The following BRSK2 variants were observed in gnomAD, a reference collection of about 807,000 sequenced individuals.
The protein encoded by BRSK2 is serine/threonine-protein kinase BRSK2.
In BRSK2, 19 loss-of-function variants were observed where a neutral mutation model predicts 83.3. The observed-to-expected ratio is 0.23, with a 90% confidence interval of 0.16 to 0.33. The LOEUF (loss-of-function observed/expected upper bound fraction) is 0.33. BRSK2 is among the 10% of genes least tolerant of loss of function. BRSK2 has a pLI of 1.00. For synonymous variants in BRSK2, 519 were observed against 435.4 expected, an observed-to-expected ratio of 1.19 and a Z score of -2.39; for missense variants, 798 against 1,042.3, an observed-to-expected ratio of 0.77 and a Z score of 3.23.
rs113757841 is a variant in BRSK2 at position 1,423,190 on chromosome 11, T to C, written c.92-12850T>C. On this transcript the variant is annotated intron_variant, in intron 1 of 19. Transcript: ENST00000528841. This position sits in a 1 kb window ranked among gnomAD's most constrained non-coding sequence, Gnocchi z 6.5. Reference sequence around the variant, plus strand: ...GCCTCGTGGGGGATGCGGTGCCTCGTGGGGGACATGGTGCCTTGTGGGGTA... The same window carrying C: ...GCCTCGTGGGGGATGCGGTGCCTCGCGGGGGACATGGTGCCTTGTGGGGTA... Among the ~76,000 whole-genome samples the C allele has an allele frequency of 5.1e-3, 772 of 152,010 alleles. 9 individuals carry two copies. Among genetic ancestry groups the C allele is most frequent in the African/African-American group, 0.018 (751 of 41,464 alleles).
At chr11:1,456,776 G>A in intron 18 of BRSK2, 89 bp downstream of exon 18, 1 of 1,408,514 alleles carries the variant, frequency 7.1e-7, no homozygotes, top group Non-Finnish European at 9.6e-7. Context: ...TGAGGACCCG[G>A]GCGCAGCCTC....
At position 1,454,753 on chromosome 11, in the gene BRSK2, C is replaced by T. The variant is rs1846266742; in HGVS notation, c.1668+145C>T. 1.8e-5 allele frequency: 19 copies of T among 1,080,208 alleles called. No individual in the cohort carries two copies. The highest frequency in any genetic ancestry group is 2.4e-5 in the Non-Finnish European group (18 of 763,888). 66.9% of individuals were successfully genotyped at this position (1,080,208 alleles called of 1,614,324 possible). On this transcript the variant is annotated intron_variant, in intron 16 of 19. Coordinates refer to ENST00000528841, the MANE Select transcript of BRSK2 (RefSeq NM_001256627.2). This position sits in a 1 kb window ranked among gnomAD's most constrained non-coding sequence, Gnocchi z 5.2. ...CTCACCCGTGGGCCTGCCTGGCCGC[C>T]TTCACTGGACAGGCGCTCTCTCCTG...
chr11:1,412,562 T>C (rs146187873), intron 1 of BRSK2, among the ~76,000 whole-genome samples: 2 of 149,234 alleles, frequency 1.3e-5, no homozygotes, highest in Non-Finnish European at 1.5e-5. Context: ...TCTGAGCTGT[T>C]TGGTAGGCGG....
At chr11:1,450,457 A>G in intron 13 of BRSK2, 130 bp from the exon 14 acceptor site, 2 of 583,232 alleles carry the variant, frequency 3.4e-6, no homozygotes, top group African/African-American at 2.0e-5. Context: ...CCAGCACCCC[A>G]GCCCGGCCTC....
At position 1,454,417 on chromosome 11, in the gene BRSK2, T is replaced by A. The variant is rs1046444364; in HGVS notation, c.1545-68T>A. ...AGATTCCGCCGTTCCAACCCCAGAT[T>A]CGAGGGAGGCAGGGGTGTGGACGGT... On this transcript the variant is annotated intron_variant, in intron 15 of 19. Coordinates refer to ENST00000528841, the MANE Select transcript of BRSK2 (RefSeq NM_001256627.2). The surrounding 1 kb of genome is among the most constrained non-coding windows in gnomAD (Gnocchi z 5.2). 9.5e-6 allele frequency: 15 copies of A among 1,581,564 alleles called. No individual in the cohort carries two copies. Among genetic ancestry groups the A allele is most frequent in the Non-Finnish European group, 1.3e-5 (15 of 1,156,952 alleles).
chr11:1,434,020 C>T (rs1392910998), intron 1 of BRSK2, among the ~76,000 whole-genome samples: 4 of 152,168 alleles, frequency 2.6e-5, no homozygotes, highest in African/African-American at 7.2e-5. Flanking sequence ...CCGATGGGGC[C>T]GGGGGAATGG....
chr11:1,404,456 C>T (rs562776828), intron 1 of BRSK2, among the ~76,000 whole-genome samples: 2 of 152,334 alleles, frequency 1.3e-5, no homozygotes, highest in African/African-American at 4.8e-5. Flanking sequence ...GCCTCTGATC[C>T]TTGCCCTTGC....
At chr11:1,448,365 G>T (rs1852473929) in intron 12 of BRSK2, among the ~76,000 whole-genome samples, 1 of 152,160 alleles carries the variant, frequency 6.6e-6, no homozygotes, top group Non-Finnish European at 1.5e-5. Flanking sequence ...GCCGGTCGGG[G>T]TCCTTCTCTT....
chr11:1,416,528 C>T lies in BRSK2; in HGVS notation c.92-19512C>T, dbSNP rs7122378. On this transcript the variant is annotated intron_variant, in intron 1 of 19. Transcript: ENST00000528841. ...CACGTCTGTGTCCAACACGTTCCCC[C>T]GGCTTTCATTTAACTACCGGCGGTT... Among the ~76,000 whole-genome samples, 8 of 152,080 alleles carry T rather than the reference C, an allele frequency of 5.3e-5. No homozygotes were observed. The East Asian group carries it at 9.6e-4, about 18-fold the overall frequency.
At chr11:1,445,994 TGG>T in intron 12 of BRSK2, 87 bp downstream of exon 12, 1 of 1,458,996 alleles carries the variant, frequency 6.9e-7, no homozygotes, top group Non-Finnish European at 9.1e-7. Context: ...CCCATTGGCC[TGG>T]GGTCTCGGCT....
intron 1 of BRSK2, chr11:1,411,136 C>A (rs1037974817): frequency 5.8e-5 from 70 of 1,215,746 alleles, no homozygotes; most frequent in Admixed American, 8.6e-5. Context: ...CCTCAGGGGC[C>A]TAGGGTGGGG....
At position 1,461,858 on chromosome 11, in the gene BRSK2, A is replaced by ACGGTG. The variant is rs1478818982; in HGVS notation, c.*1139_*1143dup. 6.7e-6 allele frequency: 1 copy of ACGGTG among 149,834 alleles called. No individual in the cohort carries two copies. Among genetic ancestry groups the ACGGTG allele is most frequent in the Non-Finnish European group, 1.5e-5 (1 of 67,606 alleles). 9.3% of individuals were successfully genotyped at this position (149,834 alleles called of 1,614,324 possible). On this transcript the variant is annotated 3_prime_UTR_variant, in exon 20 of 20. Coordinates refer to ENST00000528841, the MANE Select transcript of BRSK2 (RefSeq NM_001256627.2). ...CTTCTTTCTACACACACATCTAAAG[A>ACGGTG]CGGTGCGGCTCGCTCTGTCATGGGT...
At position 1,461,738 on chromosome 11, in the gene BRSK2, A is replaced by C. The variant is rs1460441292; in HGVS notation, c.*1015A>C. ...AAGAATTCCTGCAAGATATTTTTAT[A>C]AACTTTTTTTTCTTGGTGGTTTTTG... On this transcript the variant is annotated 3_prime_UTR_variant, in exon 20 of 20. Coordinates refer to ENST00000528841, the MANE Select transcript of BRSK2 (RefSeq NM_001256627.2). 6.6e-6 allele frequency: 1 copy of C among 151,182 alleles called. No individual in the cohort carries two copies. Among genetic ancestry groups the C allele is most frequent in the African/African-American group, 2.4e-5 (1 of 40,982 alleles). The allele number at this position is 151,182 out of a possible 1,614,324, so 9.4% of individuals were successfully genotyped here. A position where few individuals can be genotyped will look rare whatever the true frequency, so the allele number is the denominator to read the frequency against.
chr11:1,447,742 C>G (rs892974009), intron 12 of BRSK2: 12 of 1,543,416 alleles, frequency 7.8e-6, no homozygotes, highest in Non-Finnish European at 8.7e-6. Flanking sequence ...TGGGGGCCGA[C>G]CTGTGCCCGC....
rs115677807 is a variant in BRSK2, at chr11:1,443,653, G to A, written c.780+18G>A. The A allele has an allele frequency of 0.035, 54,847 of 1,565,370 alleles. 1,248 individuals carry two copies. The highest frequency in any genetic ancestry group is 0.11 in the African/African-American group (7,555 of 69,212). ...GCCTCACGGTGCGTGCCCTCGGAGC[G>A]GGGCGGCCCCAGAGCGTGGCGGGGG... On this transcript the variant is annotated intron_variant, in intron 8 of 19. Coordinates refer to ENST00000528841, the MANE Select transcript of BRSK2 (RefSeq NM_001256627.2).
intron 1 of BRSK2, among the ~76,000 whole-genome samples, chr11:1,402,583 C>T (rs1053062998): frequency 2.6e-5 from 4 of 152,174 alleles, no homozygotes; most frequent in Admixed American, 1.3e-4. Flanking sequence ...CTCCTGACTC[C>T]TCCTGGGGGG....
At chr11:1,393,241 C>T (rs1286356994) in intron 1 of BRSK2, among the ~76,000 whole-genome samples, 2 of 135,916 alleles carry the variant, frequency 1.5e-5, no homozygotes, top group South Asian at 2.3e-4. Context: ...TGGCTTTTGT[C>T]CCTGCGCGCC....
Position 1,443,321 on chromosome 11 carries a change from A to G in BRSK2, c.565-14A>G. 6.9e-6 allele frequency: 11 copies of G among 1,601,884 alleles called. No homozygotes were observed. Among genetic ancestry groups the G allele is most frequent in the Non-Finnish European group, 9.4e-6 (11 of 1,175,514 alleles). On this transcript the variant is annotated splice_polypyrimidine_tract_variant and intron_variant, in intron 6 of 19. Transcript: ENST00000528841. ...CCCTGCGCCCCCCAACAGCCCGGGC[A>G]CTGCTGTCCACAGGGGGAGAAGTAT...
At position 1,461,538 on chromosome 11, in the gene BRSK2, G is replaced by A. The variant is rs1847500735; in HGVS notation, c.*815G>A. 5.9e-6 allele frequency: 1 copy of A among 170,920 alleles called. No homozygotes were observed. Among genetic ancestry groups the A allele is most frequent in the African/African-American group, 2.4e-5 (1 of 41,550 alleles). The allele number at this position is 170,920 out of a possible 1,614,324, so 10.6% of individuals were successfully genotyped here. A position where few individuals can be genotyped will look rare whatever the true frequency, so the allele number is the denominator to read the frequency against. On this transcript the variant is annotated 3_prime_UTR_variant, in exon 20 of 20. Transcript: ENST00000528841. Reference sequence around the variant, plus strand: ...GCCAGGCCGCTGGGCTGGGATCAGTGTTATTTATTTGCCGTTTTAATTTAT... The same window carrying A: ...GCCAGGCCGCTGGGCTGGGATCAGTATTATTTATTTGCCGTTTTAATTTAT...
Sources: gnomAD v4.1 joint callset for allele counts (sites outside exome capture counted in the v4.1 genomes callset) on GRCh38, gnomAD v4.1.1 for gene constraint, Gnocchi (gnomAD v3.1) non-coding constraint, MANE v1.5 for transcripts, NCBI Gene and HGNC (gene_info 2026-07-23, HGNC 2026-07-21) for gene names.